The following MAGI1 variants were observed in gnomAD, a reference collection of about 807,000 sequenced individuals.
MAGI1 encodes membrane associated guanylate kinase, WW and PDZ domain containing 1, also known as membrane-associated guanylate kinase, WW and PDZ domain-containing protein 1.
A neutral mutation model predicts 139.9 loss-of-function variants in MAGI1; 58 were observed. The observed-to-expected ratio is 0.41, with a 90% CI of 0.34 to 0.52. MAGI1 has a LOEUF of 0.52. Ranked by LOEUF, MAGI1 falls within the 20% of genes least tolerant of loss-of-function variation. The pLI is 0.12. For synonymous variants in MAGI1, 812 were observed against 737.9 expected (o/e 1.10, Z -1.63); for missense variants, 1,874 against 1,901.6 (o/e 0.99, Z 0.27).
At chr3:65,378,243 G>C (rs1384396412) in intron 17 of MAGI1, among the ~76,000 whole-genome samples, 1 of 152,190 alleles carries the variant, frequency 6.6e-6, no homozygotes, top group East Asian at 1.9e-4. Context: ...AGTGTACCCA[G>C]AAGAGAGTGA....
chr3:65,847,989 G>C (rs972542841), intron 1 of MAGI1, among the ~76,000 whole-genome samples: 1 of 152,200 alleles, frequency 6.6e-6, no homozygotes, highest in Non-Finnish European at 1.5e-5. Flanking sequence ...GGGCAACACA[G>C]TGAGACTTCA....
In MAGI1 at chr3:65,505,085, G is replaced by A. The variant is rs188738954; in HGVS notation, c.431-11454C>T. Among the ~76,000 whole-genome samples, 129 of 152,232 alleles carry A rather than the reference G, an allele frequency of 8.5e-4. 4 individuals are homozygous for A. The East Asian group carries it at 8.9e-3, about 11-fold the overall frequency. On this transcript the variant is annotated intron_variant, in intron 2 of 22. Coordinates refer to ENST00000402939, the MANE Select transcript of MAGI1 (RefSeq NM_001033057.2). Reference sequence around the variant, plus strand: ...AAGAGGGATTCAGGAAACCAGTAACGCTATACCCTAGCGCTAAAAGTTGTC... The same window carrying A: ...AAGAGGGATTCAGGAAACCAGTAACACTATACCCTAGCGCTAAAAGTTGTC...
intron 18 of MAGI1, among the ~76,000 whole-genome samples, chr3:65,374,387 G>A (rs1450044290): frequency 3.8e-5 from 5 of 132,984 alleles, no homozygotes; most frequent in East Asian, 2.2e-4. Context: ...GCGCAATCTC[G>A]GCTCACTGCA....
intron 8 of MAGI1, among the ~76,000 whole-genome samples, chr3:65,440,596 C>T (rs1304447771): frequency 6.6e-6 from 1 of 152,126 alleles, no homozygotes; most frequent in Non-Finnish European, 1.5e-5. Flanking sequence ...CATAAGCATT[C>T]ATCCAAACAA....
At chr3:65,444,301 C>T (rs1480537043) in intron 7 of MAGI1, among the ~76,000 whole-genome samples, 1 of 151,958 alleles carries the variant, frequency 6.6e-6, no homozygotes, top group Non-Finnish European at 1.5e-5. Context: ...GAAATGCTTT[C>T]CCCTTACAAA....
At chr3:65,768,285 T>G (rs2037657079) in intron 1 of MAGI1, among the ~76,000 whole-genome samples, 1 of 152,114 alleles carries the variant, frequency 6.6e-6, no homozygotes. Context: ...CCAGGTATGG[T>G]GGTGCCCACC....
chr3:66,015,503 C>G (rs2067585641), intron 1 of MAGI1, among the ~76,000 whole-genome samples: 1 of 151,960 alleles, frequency 6.6e-6, no homozygotes, highest in South Asian at 2.1e-4. Flanking sequence ...ATTTCCTACT[C>G]TCAAAAATGG....
intron 2 of MAGI1, chr3:65,499,164 A>AG (rs370899030): frequency 2.8e-6 from 1 of 353,222 alleles, no homozygotes; most frequent in African/African-American, 2.3e-5. Flanking sequence ...TGTGGTCTCT[A>AG]GGAAAAAAAA....
chr3:66,030,769 G>A (rs1182328228), intron 1 of MAGI1, among the ~76,000 whole-genome samples: 3 of 152,110 alleles, frequency 2.0e-5, no homozygotes, highest in Non-Finnish European at 2.9e-5. Context: ...TAAGGACTTC[G>A]GCTTTCACTC....
chr3:65,766,840 G>T (rs773622611), intron 1 of MAGI1, among the ~76,000 whole-genome samples: 4 of 151,850 alleles, frequency 2.6e-5, no homozygotes, highest in Non-Finnish European at 5.9e-5. Context: ...AGTGAGCCGA[G>T]ATCACACCAC....
intron 2 of MAGI1, among the ~76,000 whole-genome samples, chr3:65,510,952 T>C (rs1236228369): frequency 6.7e-6 from 1 of 148,238 alleles, no homozygotes. Flanking sequence ...TAACAGCGGA[T>C]CTCTTGGCAG....
intron 1 of MAGI1, among the ~76,000 whole-genome samples, chr3:65,904,304 A>C (rs2061351845): frequency 6.6e-6 from 1 of 152,178 alleles, no homozygotes; most frequent in Non-Finnish European, 1.5e-5. Context: ...TCAGGATTAG[A>C]AGGGTGATAA....
chr3:65,624,382 G>A (rs1433734081), intron 1 of MAGI1, among the ~76,000 whole-genome samples: 1 of 152,042 alleles, frequency 6.6e-6, no homozygotes, highest in Non-Finnish European at 1.5e-5. Context: ...AATGTCCATC[G>A]AAAGGTGAAT....
At chr3:65,934,539 T>C (rs1246035775) in intron 1 of MAGI1, among the ~76,000 whole-genome samples, 1 of 152,226 alleles carries the variant, frequency 6.6e-6, no homozygotes, top group African/African-American at 2.4e-5. Context: ...CAAACATTCA[T>C]TTGATGTTAG....
chr3:65,607,061 T>G (rs966311463), intron 2 of MAGI1, among the ~76,000 whole-genome samples: 2 of 152,070 alleles, frequency 1.3e-5, no homozygotes, highest in African/African-American at 4.8e-5. Flanking sequence ...CCTATGATTT[T>G]TTTTCCGATT....
At position 65,510,093 on chromosome 3, in the gene MAGI1, C is replaced by T. The variant is rs573333643; in HGVS notation, c.431-16462G>A. 9.5e-4 allele frequency among the ~76,000 whole-genome samples: 144 copies of T among 152,232 alleles called. 2 individuals carry two copies. The East Asian group carries it at 0.026, about 28-fold the overall frequency. On this transcript the variant is annotated intron_variant, in intron 2 of 22. Transcript: ENST00000402939. ...TTCCAACAGACCTGCAGCTGAGGGT[C>T]CTGTCTGTTAGAAGGAAAACTAACA...
rs115273263 is a variant in MAGI1 at position 65,465,911 on chromosome 3, T to C, written c.959+4372A>G. ...CCCTGAAGCTCTGTTTGTTGGTTGG[T>C]TGGTTTTCTTCCCCCAGTTGATTTT... On this transcript the variant is annotated intron_variant, in intron 5 of 22. Coordinates refer to ENST00000402939, the MANE Select transcript of MAGI1 (RefSeq NM_001033057.2). Among the ~76,000 whole-genome samples, 488 of 152,322 alleles carry C rather than the reference T, an allele frequency of 3.2e-3. 4 individuals carry two copies. Among genetic ancestry groups the C allele is most frequent in the Non-Finnish European group, 4.5e-3 (303 of 68,026 alleles).
intron 2 of MAGI1, among the ~76,000 whole-genome samples, chr3:65,561,294 T>C (rs1034539458): frequency 3.9e-5 from 6 of 152,152 alleles, no homozygotes; most frequent in African/African-American, 1.2e-4. Context: ...GTTTCCCCCG[T>C]ATTGTTGTAT....
chr3:65,964,673 G>C (rs1412187969), intron 1 of MAGI1, among the ~76,000 whole-genome samples: 1 of 152,162 alleles, frequency 6.6e-6, no homozygotes, highest in Non-Finnish European at 1.5e-5. Context: ...CCAAACTTCA[G>C]GTTGTTTAGC....
Sources: allele counts gnomAD v4.1 joint callset (sites outside exome capture counted in the v4.1 genomes callset), GRCh38; gene constraint gnomAD v4.1.1; transcripts MANE v1.5; gene names NCBI Gene and HGNC (gene_info 2026-07-23, HGNC 2026-07-21).